GATA4: variants seen among roughly 807,000 people sequenced by gnomAD.
The protein encoded by GATA4 is transcription factor GATA-4.
Under a neutral mutation model 37.9 loss-of-function variants are expected in GATA4, and 7 were observed. The observed-to-expected ratio is 0.18, with a 90% CI of 0.11 to 0.35. GATA4 has a LOEUF of 0.35. GATA4 is among the 10% of genes least tolerant of loss of function. GATA4 has a pLI of 1.00. For synonymous variants in GATA4, 372 were observed against 292.6 expected (o/e 1.27, Z -2.77); for missense variants, 647 against 653.0 (o/e 0.99, Z 0.10).
chr8:11,718,996 T>G (rs1800553196), intron 2 of GATA4, among the ~76,000 whole-genome samples: 1 of 152,242 alleles, frequency 6.6e-6, no homozygotes, highest in Admixed American at 6.5e-5. Context: ...TCAATTTGGT[T>G]GCTTATCTAG....
chr8:11,677,303 C>T (rs1798816243), intron 1 of GATA4, among the ~76,000 whole-genome samples: 2 of 152,188 alleles, frequency 1.3e-5, no homozygotes, highest in African/African-American at 2.4e-5. Flanking sequence ...AGGCCGCAGA[C>T]GCCGGGCTTC....
chr8:11,698,269 C>T (rs142784988), intron 1 of GATA4, among the ~76,000 whole-genome samples: 1,598 of 152,332 alleles, frequency 0.01, 17 homozygotes, highest in African/African-American at 0.036. Flanking sequence ...CTGTATTTGA[C>T]TTACTTATTG....
intron 4 of GATA4, among the ~76,000 whole-genome samples, chr8:11,753,685 G>A (rs1302979125): frequency 1.3e-5 from 2 of 152,012 alleles, no homozygotes; most frequent in East Asian, 1.9e-4. Flanking sequence ...GGGGTCGGGG[G>A]GTGCAAGTGC....
upstream of GATA4, among the ~76,000 whole-genome samples, chr8:11,691,118 C>T (rs1287982214): frequency 6.6e-6 from 1 of 152,198 alleles, no homozygotes; most frequent in Non-Finnish European, 1.5e-5. Context: ...GCATACTTGG[C>T]GCTGTGCCTG....
chr8:11,715,521 G>A (rs1800397964), intron 2 of GATA4, among the ~76,000 whole-genome samples: 1 of 145,324 alleles, frequency 6.9e-6, no homozygotes, highest in African/African-American at 2.6e-5. Context: ...GGCTGAGGCG[G>A]GCGGATCGTG....
At chr8:11,754,782 G>T (rs1802469477) in intron 4 of GATA4, among the ~76,000 whole-genome samples, 1 of 152,192 alleles carries the variant, frequency 6.6e-6, no homozygotes, top group African/African-American at 2.4e-5. Flanking sequence ...ATTTCTGAGG[G>T]TAGGAGCTGT....
In GATA4 at chr8:11,749,211, C is replaced by T. The variant is rs1033812145; in HGVS notation, c.786+126C>T. ...ATCGGGGATTACGTGGGTGAGAGCC[C>T]CATAATAATTCTCACAACTTTAGAG... On this transcript the variant is annotated intron_variant, in intron 3 of 6. Transcript: ENST00000532059. The surrounding 1 kb of genome is among the most constrained non-coding windows in gnomAD (Gnocchi z 4.6). The T allele has an allele frequency of 6.6e-6, 6 of 908,450 alleles. No homozygotes were observed. The highest frequency in any genetic ancestry group is 1.0e-5 in the Non-Finnish European group (6 of 581,560). The allele number at this position is 908,450 out of a possible 1,614,324, so 56.3% of individuals were successfully genotyped here. A position where few individuals can be genotyped will look rare whatever the true frequency, so the allele number is the denominator to read the frequency against.
chr8:11,757,211 G>A (rs1802632461), intron 6 of GATA4, 128 bp downstream of exon 6: 1 of 1,381,282 alleles, frequency 7.2e-7, no homozygotes, highest in Admixed American at 2.2e-5. Flanking sequence ...GCTACCCTCT[G>A]CGCTAGGAAG....
At chr8:11,748,696 A>C (rs1163500186) in intron 2 of GATA4, among the ~76,000 whole-genome samples, 5 of 152,110 alleles carry the variant, frequency 3.3e-5, no homozygotes, top group Non-Finnish European at 5.9e-5. Flanking sequence ...GATCACTGCA[A>C]CTTTTTCCTC....
chr8:11,700,425 G>A (rs1177462814), upstream of GATA4: 1 of 152,298 alleles, frequency 6.6e-6, no homozygotes, highest in Non-Finnish European at 1.5e-5. Context: ...AAGAAAGAGT[G>A]TCCGAGGCAC....
chr8:11,727,839 TA>T (rs1195519048), intron 2 of GATA4, among the ~76,000 whole-genome samples: 3 of 150,602 alleles, frequency 2.0e-5, no homozygotes, highest in Non-Finnish European at 1.5e-5. Context: ...AAAAAAAAAG[TA>T]AAAAAAATCC....
chr8:11,709,004 GT>G lies in GATA4; in HGVS notation c.616+81del. 7.0e-7 allele frequency: 1 copy of G among 1,423,870 alleles called. No individual in the cohort carries two copies. Among genetic ancestry groups the G allele is most frequent in the Non-Finnish European group, 9.3e-7 (1 of 1,076,350 alleles). The allele number at this position is 1,423,870 out of a possible 1,614,324, so 88.2% of individuals were successfully genotyped here. A position where few individuals can be genotyped will look rare whatever the true frequency, so the allele number is the denominator to read the frequency against. On this transcript the variant is annotated intron_variant, in intron 2 of 6. Coordinates refer to ENST00000532059, the MANE Select transcript of GATA4 (RefSeq NM_001308093.3). This position sits in a 1 kb window ranked among gnomAD's most constrained non-coding sequence, Gnocchi z 4.3. ...TCTTGAGCCCTGTCGAGGGCCTCTTGTTTTTCCACCAACGCCTTCGTTGGGC... is the reference window on the plus strand; with the variant it reads ...TCTTGAGCCCTGTCGAGGGCCTCTTGTTTTCCACCAACGCCTTCGTTGGGC...
intron 2 of GATA4, among the ~76,000 whole-genome samples, chr8:11,746,813 T>C (rs987855160): frequency 5.9e-5 from 9 of 152,104 alleles, no homozygotes; most frequent in African/African-American, 2.2e-4. Flanking sequence ...GTGACCCAGG[T>C]GTAAAAATAG....
intron 1 of GATA4, among the ~76,000 whole-genome samples, chr8:11,679,242 C>A (rs536365654): frequency 1.6e-4 from 24 of 151,654 alleles, no homozygotes; most frequent in African/African-American, 5.8e-4. Context: ...ATGTCAGTGG[C>A]CCTGAAGGCC....
intron 4 of GATA4, 73 bp downstream of exon 4, chr8:11,750,309 C>T: frequency 6.3e-7 from 1 of 1,585,094 alleles, no homozygotes; most frequent in Non-Finnish European, 8.6e-7. Flanking sequence ...TTGTCTTCTT[C>T]CTTTGTACTA....
chr8:11,679,012 G>A (rs560222550), intron 1 of GATA4, among the ~76,000 whole-genome samples: 39 of 152,256 alleles, frequency 2.6e-4, no homozygotes, highest in African/African-American at 9.4e-4. Context: ...TATTTGCCAA[G>A]TGATTTATAG....
chr8:11,685,922 T>C (rs956926378), intron 1 of GATA4, among the ~76,000 whole-genome samples: 12 of 152,074 alleles, frequency 7.9e-5, no homozygotes, highest in Non-Finnish European at 1.5e-4. Flanking sequence ...CAGAGCTTTG[T>C]TGGTGGCCAA....
intron 6 of GATA4, 65 bp from the exon 7 acceptor site, chr8:11,758,228 G>T: frequency 2.6e-6 from 4 of 1,565,814 alleles, no homozygotes; most frequent in African/African-American, 1.4e-5. Flanking sequence ...ACCCTCCCCA[G>T]CCTAGACCTC....
At chr8:11,685,119 A>T (rs1419217964) in intron 1 of GATA4, among the ~76,000 whole-genome samples, 1 of 152,268 alleles carries the variant, frequency 6.6e-6, no homozygotes, top group Non-Finnish European at 1.5e-5. Flanking sequence ...AACAGAAAAT[A>T]ACCTAAACTC....
Sources: allele counts gnomAD v4.1 joint callset (sites outside exome capture counted in the v4.1 genomes callset), GRCh38; gene constraint gnomAD v4.1.1; non-coding constraint Gnocchi (gnomAD v3.1); transcripts MANE v1.5; gene names NCBI Gene and HGNC (gene_info 2026-07-23, HGNC 2026-07-21).